Variants in AP1M1 observed in about 807,000 individuals in gnomAD.
The protein encoded by AP1M1 is AP-1 complex subunit mu-1.
In AP1M1, 18 loss-of-function variants were observed where a neutral mutation model predicts 57.1. That is an observed-to-expected ratio of 0.32 (90% confidence interval 0.22 to 0.47). The LOEUF (loss-of-function observed/expected upper bound fraction) is 0.47. Ranked by LOEUF, AP1M1 falls within the 20% of genes least tolerant of loss-of-function variation. The probability of loss-of-function intolerance (pLI) is 1.00; values close to 1 mark genes in which losing one functional copy is unlikely to be tolerated. For synonymous variants in AP1M1, 241 were observed against 237.9 expected (o/e 1.01, Z -0.12); for missense variants, 362 against 593.5 (o/e 0.61, Z 4.05).
At position 16,228,936 on chromosome 19, in the gene AP1M1, C is replaced by G. The variant is rs527400794; in HGVS notation, c.1047+8C>G. On this transcript the variant is annotated splice_region_variant and intron_variant, in intron 9 of 11. Transcript: ENST00000291439. This position sits in a 1 kb window ranked among gnomAD's most constrained non-coding sequence, Gnocchi z 5.0. ...TCCATCAAGTCCTTCCCGGTGAGCA[C>G]TCTGTCCAGACATCCACGTGCCCCC... is the stretch of plus-strand genomic sequence containing the variant. The G allele has an allele frequency of 4.1e-5, 66 of 1,613,620 alleles. No individual in the cohort carries two copies. The highest frequency in any genetic ancestry group is 3.8e-4 in the Admixed American group (23 of 59,996).
chr19:16,211,778 A>G (rs1333918274), intron 5 of AP1M1, among the ~76,000 whole-genome samples: 3 of 151,216 alleles, frequency 2.0e-5, no homozygotes, highest in African/African-American at 4.9e-5. Flanking sequence ...AAACCAAAAA[A>G]CTCCAGTTTG....
intron 5 of AP1M1, among the ~76,000 whole-genome samples, chr19:16,223,239 G>A (rs1480475983): frequency 6.6e-6 from 1 of 152,166 alleles, no homozygotes; most frequent in African/African-American, 2.4e-5. Context: ...AGATCTCCTG[G>A]GCGTGCACTG....
At chr19:16,225,575 T>G (rs949426072) in intron 5 of AP1M1, among the ~76,000 whole-genome samples, 2 of 152,182 alleles carry the variant, frequency 1.3e-5, no homozygotes, top group African/African-American at 4.8e-5. Context: ...GTGTGGATTT[T>G]CAGTTGCACT....
At chr19:16,232,783 A>G (rs1568356428) in intron 9 of AP1M1, among the ~76,000 whole-genome samples, 1 of 152,250 alleles carries the variant, frequency 6.6e-6, no homozygotes, top group Non-Finnish European at 1.5e-5. Context: ...TCCCAGGCAC[A>G]GCCAGAGCTG....
At chr19:16,225,429 G>C (rs1327817787) in intron 5 of AP1M1, among the ~76,000 whole-genome samples, 1 of 152,190 alleles carries the variant, frequency 6.6e-6, no homozygotes. Context: ...CGATTCTTCT[G>C]CCAGTCACTC....
rs1483627172 is a variant in AP1M1, at chr19:16,232,014, CCTT to C, written c.1048-1476_1048-1474del. Among the ~76,000 whole-genome samples, 8 of 152,246 alleles carry C rather than the reference CCTT, an allele frequency of 5.3e-5. No individual in the cohort carries two copies. The East Asian group carries it at 1.5e-3, about 29-fold the overall frequency. On this transcript the variant is annotated intron_variant, in intron 9 of 11. Coordinates refer to ENST00000291439, the MANE Select transcript of AP1M1 (RefSeq NM_032493.4). ...ATCTGGGCCGGGCCTTGCGTCCAGG[CCTT>C]CTCCTGGCTCTCTCTGCATCTCCTA... is the stretch of plus-strand genomic sequence containing the variant.
At position 16,217,516 on chromosome 19, in the gene AP1M1, G is replaced by C. The variant is rs534629235; in HGVS notation, c.546+8339G>C. ...CTCAGGTGGGCTAGTGTGTCCATGGGGCCGCTGTGCAGGAGTATTCCCCGT... is the reference window on the plus strand; with the variant it reads ...CTCAGGTGGGCTAGTGTGTCCATGGCGCCGCTGTGCAGGAGTATTCCCCGT... On this transcript the variant is annotated intron_variant, in intron 5 of 11. Coordinates refer to ENST00000291439, the MANE Select transcript of AP1M1 (RefSeq NM_032493.4). Among the ~76,000 whole-genome samples the C allele has an allele frequency of 1.3e-4, 20 of 152,244 alleles. No homozygotes were observed. In the East Asian group the frequency reaches 3.3e-3, roughly 25 times the overall value.
At position 16,240,018 on chromosome 19, in the gene AP1M1, A is replaced by C. The variant is rs1471255193; in HGVS notation, c.*5583A>C. ...AAAAACAATTGTGTCTGTGCTGGACATGTACAGGTTTTCTTTTTTATTGTC... is the reference window on the plus strand; with the variant it reads ...AAAAACAATTGTGTCTGTGCTGGACCTGTACAGGTTTTCTTTTTTATTGTC... On this transcript the variant is annotated 3_prime_UTR_variant, in exon 12 of 12. Transcript: ENST00000291439. 6.6e-6 allele frequency: 1 copy of C among 152,156 alleles called. No individual in the cohort carries two copies. Among genetic ancestry groups the C allele is most frequent in the African/African-American group, 2.4e-5 (1 of 41,434 alleles). The allele number at this position is 152,156 out of a possible 1,614,324, so 9.4% of individuals were successfully genotyped here. A position where few individuals can be genotyped will look rare whatever the true frequency, so the allele number is the denominator to read the frequency against.
In AP1M1 at chr19:16,197,947, C is replaced by T; in HGVS notation, c.-80C>T. On this transcript the variant is annotated 5_prime_UTR_variant, in exon 1 of 12. Transcript: ENST00000291439. The stretch of plus-strand genomic sequence containing the variant: ...TGAGCTGTCGCGGGCGGCGCCCGGC[C>T]TTGCTCAACGCCCAGCAGTCCCCAC... 2 of 1,353,912 alleles carry T rather than the reference C, an allele frequency of 1.5e-6. No individual in the cohort carries two copies. The highest frequency in any genetic ancestry group is 9.9e-7 in the Non-Finnish European group (1 of 1,007,036). The allele number at this position is 1,353,912 out of a possible 1,614,324, so 83.9% of individuals were successfully genotyped here.
At chr19:16,231,306 AAAAAC>A (rs1390221018) in intron 9 of AP1M1, among the ~76,000 whole-genome samples, 1 of 26,032 alleles carries the variant, frequency 3.8e-5, no homozygotes, top group African/African-American at 6.6e-5. Flanking sequence ...AAAAAAAAAA[AAAAAC>A]ACAGAGAGAG....
intron 6 of AP1M1, 86 bp downstream of exon 6, chr19:16,226,633 G>A (rs1339106477): frequency 5.5e-6 from 8 of 1,458,078 alleles, no homozygotes; most frequent in African/African-American, 2.8e-5. Flanking sequence ...TGGGCCAGGC[G>A]GAGGAACGAG....
rs756349510 is a variant in AP1M1 at position 16,208,176 on chromosome 19, G to C, written c.398+27G>C. 1.9e-5 allele frequency: 31 copies of C among 1,602,132 alleles called. No homozygotes were observed. In the South Asian group the frequency reaches 3.2e-4, roughly 17 times the overall value. Reference sequence around the variant, plus strand: ...TGAGTGGGCAGGGGTGGGGCCTGGGGCCAGGCCTGGGCGGTGTCATGACAT... The same window carrying C: ...TGAGTGGGCAGGGGTGGGGCCTGGGCCCAGGCCTGGGCGGTGTCATGACAT... On this transcript the variant is annotated intron_variant, in intron 4 of 11. Transcript: ENST00000291439.
At chr19:16,222,857 T>C (rs1404509814) in intron 5 of AP1M1, among the ~76,000 whole-genome samples, 1 of 152,218 alleles carries the variant, frequency 6.6e-6, no homozygotes, top group Admixed American at 6.5e-5. Flanking sequence ...GATTCTTCTT[T>C]ATCATCTGTT....
At chr19:16,216,039 C>A (rs1004757671) in intron 5 of AP1M1, among the ~76,000 whole-genome samples, 2 of 152,070 alleles carry the variant, frequency 1.3e-5, no homozygotes, top group East Asian at 3.9e-4. Flanking sequence ...CATTTTCTAT[C>A]CTGGCTGTTT....
rs2091621094 is a variant in AP1M1, at chr19:16,235,474, AAC to A, written c.*1043_*1044del. On this transcript the variant is annotated 3_prime_UTR_variant, in exon 12 of 12. Coordinates refer to ENST00000291439, the MANE Select transcript of AP1M1 (RefSeq NM_032493.4). ...CAGCTCCCTCTGCTTCCCCAGCTGAAACACAGGAAAAGCAGCTGCGGGAAGAG... is the reference window on the plus strand; with the variant it reads ...CAGCTCCCTCTGCTTCCCCAGCTGAAACAGGAAAAGCAGCTGCGGGAAGAG... The A allele has an allele frequency of 6.6e-6, 1 of 152,210 alleles. No individual in the cohort carries two copies. The highest frequency in any genetic ancestry group is 2.1e-4 in the South Asian group (1 of 4,830). 9.4% of individuals were successfully genotyped at this position (152,210 alleles called of 1,614,324 possible).
rs906210258 is a variant in AP1M1, at chr19:16,240,531, C to T, written c.*6096C>T. 1 of 151,376 alleles carries T rather than the reference C, an allele frequency of 6.6e-6. No homozygotes were observed. Among genetic ancestry groups the T allele is most frequent in the Admixed American group, 6.6e-5 (1 of 15,196 alleles). The allele number at this position is 151,376 out of a possible 1,614,324, so 9.4% of individuals were successfully genotyped here. On this transcript the variant is annotated 3_prime_UTR_variant, in exon 12 of 12. Transcript: ENST00000291439. ...ATGGCGAAATCTCGGCTCATTACAACCTCTGCCTCCCAGGTTCAAGCAATT... is the reference window on the plus strand; with the variant it reads ...ATGGCGAAATCTCGGCTCATTACAATCTCTGCCTCCCAGGTTCAAGCAATT...
intron 4 of AP1M1, 184 bp from the exon 5 acceptor site, chr19:16,208,846 T>C (rs1351152916): frequency 1.6e-6 from 1 of 611,334 alleles, no homozygotes; most frequent in Non-Finnish European, 2.7e-6. Context: ...GATTTTTCTG[T>C]ATGAAGCAGC....
In AP1M1 at chr19:16,209,062, C is replaced by G; in HGVS notation, c.431C>G (p.Thr144Arg). Reference sequence around the variant, plus strand: ...ACTCAGGAAGGCCACAAGCTGGAAACAGGGGCCCCGCGGCCACCAGCCACC... The same window carrying G: ...ACTCAGGAAGGCCACAAGCTGGAAAGAGGGGCCCCGCGGCCACCAGCCACC... ...YITQEGHKLE[T>R]GAPRPPATVT... is the part of the protein sequence containing the mutation. Residue 144 changes from threonine to arginine, a missense_variant, in exon 5 of 12, where the codon ACA (threonine) becomes AGA (arginine). By Grantham distance (71) the Thr-to-Arg change is moderately conservative. Transcript: ENST00000291439. 6.2e-7 allele frequency: 1 copy of G among 1,614,190 alleles called. No homozygotes were observed. Among genetic ancestry groups the G allele is most frequent in the Non-Finnish European group, 8.5e-7 (1 of 1,180,018 alleles).
At chr19:16,229,034 C>G in intron 9 of AP1M1, 106 bp downstream of exon 9, 1 of 1,327,506 alleles carries the variant, frequency 7.5e-7, no homozygotes. Context: ...ACAGTGGCCA[C>G]TGTGTCTTCC....
Sources: allele counts gnomAD v4.1 joint callset (sites outside exome capture counted in the v4.1 genomes callset), GRCh38; gene constraint gnomAD v4.1.1; non-coding constraint Gnocchi (gnomAD v3.1); transcripts MANE v1.5; gene names NCBI Gene and HGNC (gene_info 2026-07-23, HGNC 2026-07-21).